Variants in CTNNA3 observed in about 807,000 individuals in gnomAD.
CTNNA3 encodes catenin alpha 3, also known as catenin alpha-3.
A neutral mutation model predicts 95.7 loss-of-function variants in CTNNA3; 76 were observed. That is an observed-to-expected ratio of 0.79 (90% CI 0.66 to 0.96). The LOEUF (loss-of-function observed/expected upper bound fraction) is 0.96. CTNNA3 is among the 40% of genes least tolerant of loss of function. CTNNA3 has a pLI of 0.00. For synonymous variants in CTNNA3, 431 were observed against 374.4 expected (o/e 1.15, Z -1.74); for missense variants, 1,191 against 1,089.8 (o/e 1.09, Z -1.31).
chr10:66,056,542 C>T (rs1564608405), intron 15 of CTNNA3, among the ~76,000 whole-genome samples: 2 of 152,092 alleles, frequency 1.3e-5, no homozygotes, highest in Admixed American at 6.6e-5. Context: ...ATACTAGCCT[C>T]ATAGAATGAG....
At chr10:66,053,152 A>G (rs2079998655) in intron 15 of CTNNA3, among the ~76,000 whole-genome samples, 1 of 152,054 alleles carries the variant, frequency 6.6e-6, no homozygotes, top group Non-Finnish European at 1.5e-5. Context: ...TCATTGGACT[A>G]TTGGTTTAGA....
intron 12 of CTNNA3, among the ~76,000 whole-genome samples, chr10:66,309,595 G>A (rs7922890): frequency 0.3 from 44,174 of 149,086 alleles, 7,026 homozygotes; most frequent in African/African-American, 0.41. Flanking sequence ...CTGAGGCAGG[G>A]GAATGGTGTG....
chr10:66,974,727 T>A (rs1849930658), intron 7 of CTNNA3, among the ~76,000 whole-genome samples: 1 of 152,160 alleles, frequency 6.6e-6, no homozygotes, highest in Admixed American at 6.5e-5. Context: ...GAAGTTATAT[T>A]CTCATTGTGG....
At chr10:65,923,991 T>C (rs1219207528) in intron 17 of CTNNA3, among the ~76,000 whole-genome samples, 3 of 152,114 alleles carry the variant, frequency 2.0e-5, no homozygotes, top group African/African-American at 7.2e-5. Flanking sequence ...TCACAAACAA[T>C]GCCAATTCAG....
intron 11 of CTNNA3, among the ~76,000 whole-genome samples, chr10:66,438,127 T>C (rs2131776501): frequency 6.6e-6 from 1 of 152,210 alleles, no homozygotes; most frequent in Non-Finnish European, 1.5e-5. Context: ...GTATGAGATG[T>C]CTGTTGACCC....
At chr10:66,056,467 T>A (rs1025031001) in intron 15 of CTNNA3, among the ~76,000 whole-genome samples, 2 of 152,186 alleles carry the variant, frequency 1.3e-5, no homozygotes, top group Non-Finnish European at 2.9e-5. Flanking sequence ...ATCATGTTCA[T>A]CAGAGGTATT....
At chr10:65,993,033 C>T (rs1003676065) in intron 15 of CTNNA3, among the ~76,000 whole-genome samples, 19 of 152,066 alleles carry the variant, frequency 1.2e-4, no homozygotes, top group East Asian at 1.9e-4. Flanking sequence ...TTAATTTCTA[C>T]GTATTTGTAC....
chr10:67,519,054 G>A (rs1341562903), intron 5 of CTNNA3, among the ~76,000 whole-genome samples: 5 of 152,112 alleles, frequency 3.3e-5, no homozygotes, highest in Non-Finnish European at 7.4e-5. Flanking sequence ...CTTTTTGAAA[G>A]TAGGAAAATG....
At chr10:67,092,826 C>A (rs1214682673) in intron 7 of CTNNA3, among the ~76,000 whole-genome samples, 1 of 151,900 alleles carries the variant, frequency 6.6e-6, no homozygotes, top group Admixed American at 6.6e-5. Flanking sequence ...ACTGCTAGGG[C>A]AAATATCATT....
chr10:67,317,762 G>C (rs1325817294), intron 5 of CTNNA3, among the ~76,000 whole-genome samples: 2 of 151,996 alleles, frequency 1.3e-5, no homozygotes, highest in Non-Finnish European at 2.9e-5. Context: ...CTACTTTCTG[G>C]ATCTGTGTTC....
At chr10:65,965,034 C>T (rs1402404360) in intron 17 of CTNNA3, among the ~76,000 whole-genome samples, 4 of 152,162 alleles carry the variant, frequency 2.6e-5, no homozygotes, top group Admixed American at 6.5e-5. Context: ...ACTAGTAATG[C>T]ACTCACTGTG....
chr10:66,955,242 A>G (rs1564792258), intron 7 of CTNNA3, among the ~76,000 whole-genome samples: 3 of 152,170 alleles, frequency 2.0e-5, no homozygotes, highest in African/African-American at 4.8e-5. Context: ...GATGTTATAT[A>G]CATAGATCAT....
At chr10:66,116,302 T>A (rs913066758) in intron 13 of CTNNA3, among the ~76,000 whole-genome samples, 2 of 152,158 alleles carry the variant, frequency 1.3e-5, no homozygotes, top group African/African-American at 2.4e-5. Context: ...TTGTTTTTTT[T>A]AAAATGTCCA....
At chr10:66,211,108 C>G (rs1049688902) in intron 13 of CTNNA3, among the ~76,000 whole-genome samples, 2 of 152,110 alleles carry the variant, frequency 1.3e-5, no homozygotes, top group Admixed American at 1.3e-4. Context: ...AGCTAGCTAC[C>G]TTCCCAGAAT....
intron 7 of CTNNA3, among the ~76,000 whole-genome samples, chr10:66,800,187 T>C (rs767688982): frequency 3.2e-4 from 48 of 151,396 alleles, no homozygotes; most frequent in Non-Finnish European, 5.9e-4. Context: ...TATAAATCAT[T>C]CTAGTAATAA....
chr10:66,709,001 T>C (rs1848209090), intron 9 of CTNNA3, among the ~76,000 whole-genome samples: 1 of 152,134 alleles, frequency 6.6e-6, no homozygotes, highest in Admixed American at 6.6e-5. Flanking sequence ...CACCAAGTGA[T>C]ATACACTAGA....
chr10:67,296,189 T>C lies in CTNNA3; in HGVS notation c.580-76319A>G, dbSNP rs550439400. Among the ~76,000 whole-genome samples, 12 of 152,356 alleles carry C rather than the reference T, an allele frequency of 7.9e-5. No homozygotes were observed. The South Asian group carries it at 1.9e-3, about 24-fold the overall frequency. On this transcript the variant is annotated intron_variant, in intron 5 of 17. Coordinates refer to ENST00000433211, the MANE Select transcript of CTNNA3 (RefSeq NM_013266.4). Reference sequence around the variant, plus strand: ...CAAACACAGTTGAAATTATAGCATTTTTTTTCTTTTCTCTCTAAAATATTA... The same window carrying C: ...CAAACACAGTTGAAATTATAGCATTCTTTTTCTTTTCTCTCTAAAATATTA...
chr10:67,112,557 G>C (rs1265557533), intron 7 of CTNNA3, among the ~76,000 whole-genome samples: 3 of 151,538 alleles, frequency 2.0e-5, no homozygotes, highest in Non-Finnish European at 2.9e-5. Context: ...AAGCTGATTT[G>C]TATTTCAGAG....
At chr10:67,516,707 C>T (rs1401020749) in intron 5 of CTNNA3, among the ~76,000 whole-genome samples, 2 of 152,130 alleles carry the variant, frequency 1.3e-5, no homozygotes, top group Non-Finnish European at 2.9e-5. Context: ...GTCCCCAGAA[C>T]TTGTTCATCT....
Sources: allele counts gnomAD v4.1 joint callset (sites outside exome capture counted in the v4.1 genomes callset), GRCh38; gene constraint gnomAD v4.1.1; transcripts MANE v1.5; gene names NCBI Gene and HGNC (gene_info 2026-07-23, HGNC 2026-07-21).